KMT2D: variants seen among roughly 807,000 people sequenced by gnomAD.
KMT2D encodes the protein histone-lysine N-methyltransferase 2D.
A neutral mutation model predicts 512.7 loss-of-function variants in KMT2D; 55 were observed. That is an observed-to-expected ratio of 0.11 (90% CI 0.09 to 0.13). The LOEUF (loss-of-function observed/expected upper bound fraction) is 0.13, where lower values mean the gene tolerates loss of function less well. Ranked by LOEUF, KMT2D falls within the 10% of genes least tolerant of loss-of-function variation. The probability of loss-of-function intolerance (pLI) is 1.00; values close to 1 mark genes in which losing one functional copy is unlikely to be tolerated. For synonymous variants in KMT2D, 2,995 were observed against 2,904.0 expected, an observed-to-expected ratio of 1.03 and a Z score of -1.01; for missense variants, 6,061 against 7,127.9, an observed-to-expected ratio of 0.85 and a Z score of 5.39.
chr12:49,027,471 GAC>G (rs1453438509), intron 48 of KMT2D, 149 bp from the exon 49 acceptor site: 3 of 706,448 alleles, frequency 4.2e-6, no homozygotes, highest in Non-Finnish European at 6.7e-6. Context: ...TTTTTTTTGA[GAC>G]ACAGTCTTGC....
intron 12 of KMT2D, 93 bp from the exon 13 acceptor site, chr12:49,049,311 G>A (rs900128795): frequency 3.8e-6 from 3 of 792,368 alleles, no homozygotes; most frequent in Non-Finnish European, 6.0e-6. Context: ...AACGGACAGA[G>A]TAAGACAGGT....
chr12:49,026,627 G>T lies in KMT2D; in HGVS notation c.15339C>A (p.Tyr5113Ter), dbSNP rs2120360964. The T allele has an allele frequency of 6.2e-7, 1 of 1,614,040 alleles. No individual in the cohort carries two copies. The highest frequency in any genetic ancestry group is 8.5e-7 in the Non-Finnish European group (1 of 1,179,904). Residue 5113 changes from tyrosine to a stop codon, truncating the protein, a stop_gained, in exon 49 of 55, where the codon TAC (tyrosine) becomes TAA (stop). Transcript: ENST00000301067. LOFTEE classifies it high-confidence loss of function. The surrounding 1 kb of genome is among the most constrained non-coding windows in gnomAD (Gnocchi z 9.6). ...TGGCACGGATGGCACAAGCAAAATG[G>T]TAGACATTGGGGCAACGCATGCGAT... ...SCNRMRCPNV[Y>*]HFACAIRAKC... is the part of the protein sequence containing the mutation.
Position 49,046,849 on chromosome 12 carries a change from T to C in KMT2D, c.4237-59A>G. 6.7e-7 allele frequency: 1 copy of C among 1,496,260 alleles called. No individual in the cohort carries two copies. The highest frequency in any genetic ancestry group is 9.0e-7 in the Non-Finnish European group (1 of 1,106,688). The allele number at this position is 1,496,260 out of a possible 1,614,324, so 92.7% of individuals were successfully genotyped here. A position where few individuals can be genotyped will look rare whatever the true frequency, so the allele number is the denominator to read the frequency against. On this transcript the variant is annotated intron_variant, in intron 15 of 54. Transcript: ENST00000301067. This position sits in a 1 kb window ranked among gnomAD's most constrained non-coding sequence, Gnocchi z 4.2. ...AGGTGGAAAAGAGGTAGAACTTCTT[T>C]TTATTTTTTTTTGGAGATGGAGTTT...
chr12:49,048,059 A>G lies in KMT2D; in HGVS notation c.4142T>C (p.Val1381Ala), dbSNP rs761847200. 6.2e-7 allele frequency: 1 copy of G among 1,604,868 alleles called. No homozygotes were observed. The highest frequency in any genetic ancestry group is 1.3e-5 in the African/African-American group (1 of 74,896). ...CCCCCGGCCAAAGCTGCCACATACC[A>G]CACACATGTCCTGGGGAAACACAGA... is the stretch of plus-strand genomic sequence containing the variant. ...DKFVLMQDMC[V>A]VCGSFGRGAE... is the part of the protein sequence containing the mutation. Residue 1381 changes from valine to alanine, a missense_variant, in exon 15 of 55, where the codon GTG (valine) becomes GCG (alanine). Transcript: ENST00000301067.
rs766935060 is a variant in KMT2D, at chr12:49,026,897, G to C, written c.15069C>G (p.Asp5023Glu). Residue 5023 changes from aspartate (D) to glutamate (E), a missense_variant, in exon 49 of 55, where the codon GAC (aspartate) becomes GAG (glutamate). Coordinates refer to ENST00000301067, the MANE Select transcript of KMT2D (RefSeq NM_003482.4). The surrounding 1 kb of genome is among the most constrained non-coding windows in gnomAD (Gnocchi z 9.6). ...MEQLGTALRPDKVPRDMRRCC... is the reference protein window; with the variant it reads ...MEQLGTALRPEKVPRDMRRCC... ...AGCGACGCATGTCTCGCGGTACCTT[G>C]TCAGGTCGCAAGGCTGTGCCAAGCT... The C allele has an allele frequency of 6.2e-7, 1 of 1,614,028 alleles. No individual in the cohort carries two copies. The highest frequency in any genetic ancestry group is 8.5e-7 in the Non-Finnish European group (1 of 1,179,908).
At position 49,046,354 on chromosome 12, in the gene KMT2D, G is replaced by C. The variant is rs1190664201; in HGVS notation, c.4489C>G (p.His1497Asp). 2.5e-6 allele frequency: 4 copies of C among 1,613,974 alleles called. No homozygotes were observed. The highest frequency in any genetic ancestry group is 3.4e-6 in the Non-Finnish European group (4 of 1,179,874). Residue 1497 changes from histidine to aspartate, a missense_variant, in exon 17 of 55, where the codon CAC (histidine) becomes GAC (aspartate). By Grantham distance (81) the His-to-Asp change is moderately conservative. Transcript: ENST00000301067. This position sits in a 1 kb window ranked among gnomAD's most constrained non-coding sequence, Gnocchi z 4.2. ...ACCAGGCTGGCACAGGGCCCACAGT[G>C]TGTGTAACTATTCTGCCATTCACAG... is the stretch of plus-strand genomic sequence containing the variant. ...FHCEWQNSYT[H>D]CGPCASLVTC...
intron 19 of KMT2D, among the ~76,000 whole-genome samples, 162 bp downstream of exon 19, chr12:49,045,757 CT>C (rs1264695588): frequency 6.6e-6 from 1 of 152,066 alleles, no homozygotes; most frequent in African/African-American, 2.4e-5. Flanking sequence ...CTAGGCATAA[CT>C]TTGCCACTAA....
Position 49,028,882 on chromosome 12 carries a change from C to T in KMT2D, c.14328G>A (p.Lys4776=), listed in dbSNP as rs1942744881. Residue 4776 remains lysine (K), a synonymous_variant, in exon 46 of 55, where the codon AAG becomes AAA. Transcript: ENST00000301067. The part of the protein sequence containing the change: ...PGKLPVTTWE[K]GKGSEVSVML... Reference sequence around the variant, plus strand: ...TGACTGACACCTCACTTCCTTTGCCCTTTTCCCAAGTTGTGACAGGCAGCT... The same window carrying T: ...TGACTGACACCTCACTTCCTTTGCCTTTTTCCCAAGTTGTGACAGGCAGCT... 1 of 1,613,912 alleles carries T rather than the reference C, an allele frequency of 6.2e-7. No homozygotes were observed. Among genetic ancestry groups the T allele is most frequent in the South Asian group, 1.1e-5 (1 of 91,084 alleles).
rs879089748 is a variant in KMT2D, at chr12:49,054,230, C to T, written c.510+77G>A. On this transcript the variant is annotated intron_variant, in intron 5 of 54. Coordinates refer to ENST00000301067, the MANE Select transcript of KMT2D (RefSeq NM_003482.4). This position sits in a 1 kb window ranked among gnomAD's most constrained non-coding sequence, Gnocchi z 6.4. ...AGCTCTGCCCCAGTATACCCATGGTCCTTCTCATTCCAACCTGACTCTCAG... is the reference window on the plus strand; with the variant it reads ...AGCTCTGCCCCAGTATACCCATGGTTCTTCTCATTCCAACCTGACTCTCAG... 9.1e-6 allele frequency: 14 copies of T among 1,533,740 alleles called. No individual in the cohort carries two copies. Among genetic ancestry groups the T allele is most frequent in the South Asian group, 2.4e-5 (2 of 83,474 alleles).
intron 46 of KMT2D, 131 bp from the exon 47 acceptor site, chr12:49,028,272 G>A: frequency 8.9e-7 from 1 of 1,118,868 alleles, no homozygotes; most frequent in Non-Finnish European, 1.3e-6. Context: ...ATGTCACCCA[G>A]CTCTTTTCAT....
chr12:49,038,759 T>A lies in KMT2D; in HGVS notation c.8597A>T (p.Glu2866Val). Residue 2866 changes from glutamate to valine, a missense_variant, in exon 35 of 55, where the codon GAG becomes GTG. This residue lies in a region of KMT2D where 527 missense variants were observed against 578.9 expected (regional missense o/e 0.91). Transcript: ENST00000301067. The surrounding 1 kb of genome is among the most constrained non-coding windows in gnomAD (Gnocchi z 5.7). ...GISTRLPGPG[E>V]PVPGPAGPAQ... ...AGGACCAGCTGGACCAGGCACTGGC[T>A]CACCAGGGCCTGGCAGACGGGTGGA... 1.0e-5 allele frequency: 16 copies of A among 1,604,630 alleles called. No homozygotes were observed. Among genetic ancestry groups the A allele is most frequent in the Non-Finnish European group, 1.3e-5 (15 of 1,175,692 alleles).
In KMT2D at chr12:49,046,835, A is replaced by G. The variant is rs1943809507; in HGVS notation, c.4237-45T>C. ...CTTCTCAGGGTGTGAGGTGGAAAAG[A>G]GGTAGAACTTCTTTTTATTTTTTTT... On this transcript the variant is annotated intron_variant, in intron 15 of 54. Transcript: ENST00000301067. The surrounding 1 kb of genome is among the most constrained non-coding windows in gnomAD (Gnocchi z 4.2). 6.5e-7 allele frequency: 1 copy of G among 1,542,918 alleles called. No individual in the cohort carries two copies. Among genetic ancestry groups the G allele is most frequent in the African/African-American group, 1.4e-5 (1 of 72,198 alleles).
In KMT2D at chr12:49,040,349, G is replaced by T. The variant is rs777329379; in HGVS notation, c.7421C>A (p.Pro2474His). ...CCCAGCCTTAAAGGCAACTTCAGGG[G>T]GCTGGGGTCGGGGTGGCTTATGCAA... The part of the protein sequence containing the change: ...APLHKPPRPQ[P>H]PEVAFKAGSL... The change falls in exon 32 of 55, where the codon CCC (proline) becomes CAC (histidine). Residue 2474 changes from proline to histidine, a missense_variant. By Grantham distance (77) the Pro-to-His change is moderately conservative (BLOSUM62 -2). Transcript: ENST00000301067. 6.4e-7 allele frequency: 1 copy of T among 1,566,100 alleles called. No individual in the cohort carries two copies. The highest frequency in any genetic ancestry group is 1.8e-5 in the Admixed American group (1 of 54,062).
chr12:49,026,830 G>A lies in KMT2D; in HGVS notation c.15136C>T (p.Pro5046Ser), dbSNP rs778418137. The A allele has an allele frequency of 6.2e-7, 1 of 1,613,522 alleles. No individual in the cohort carries two copies. Among genetic ancestry groups the A allele is most frequent in the South Asian group, 1.1e-5 (1 of 91,078 alleles). Residue 5046 changes from proline to serine, a missense_variant, in exon 49 of 55, where the codon CCT becomes TCT. By Grantham distance (74) the Pro-to-Ser change is moderately conservative. Coordinates refer to ENST00000301067, the MANE Select transcript of KMT2D (RefSeq NM_003482.4). The surrounding 1 kb of genome is among the most constrained non-coding windows in gnomAD (Gnocchi z 9.6). ...HEEGDGATDG[P>S]ARLLNLDLDL... Reference sequence around the variant, plus strand: ...AGGTCCAGGTTCAGCAGACGGGCAGGCCCATCAGTGGCCCCGTCACCCTCC... The same window carrying A: ...AGGTCCAGGTTCAGCAGACGGGCAGACCCATCAGTGGCCCCGTCACCCTCC...
Position 49,046,653 on chromosome 12 carries a change from G to A in KMT2D, c.4374C>T (p.Asp1458=), listed in dbSNP as rs1943801426. Reference sequence around the variant, plus strand: ...CCTTGGGGACGGTGAGCAGTGGGGGGTCCAGGCAGTATGTGTGGTAGCTAA... The same window carrying A: ...CCTTGGGGACGGTGAGCAGTGGGGGATCCAGGCAGTATGTGTGGTAGCTAA... The part of the protein sequence containing the change: ...CDISYHTYCL[D]PPLLTVPKGG... The change falls in exon 16 of 55, where the codon GAC becomes GAT. Residue 1458 remains aspartate, a synonymous_variant. Coordinates refer to ENST00000301067, the MANE Select transcript of KMT2D (RefSeq NM_003482.4). The surrounding 1 kb of genome is among the most constrained non-coding windows in gnomAD (Gnocchi z 4.2). 2.5e-6 allele frequency: 4 copies of A among 1,613,876 alleles called. No individual in the cohort carries two copies. Among genetic ancestry groups the A allele is most frequent in the South Asian group, 1.1e-5 (1 of 91,070 alleles).
chr12:49,043,938 T>G lies in KMT2D; in HGVS notation c.5249A>C (p.Glu1750Ala). ...AVEQSLAEGD[E>A]KKKQQRRGRK... Reference sequence around the variant, plus strand: ...CCCTCGCCGCTGTTGCTTCTTCTTCTCATCCCCTTCAGCTAAGCTCTGCTC... The same window carrying G: ...CCCTCGCCGCTGTTGCTTCTTCTTCGCATCCCCTTCAGCTAAGCTCTGCTC... Residue 1750 changes from glutamate (E) to alanine (A), a missense_variant, in exon 23 of 55, where the codon GAG becomes GCG. By Grantham distance (107) the Glu-to-Ala change is moderately radical. Transcript: ENST00000301067. 1.2e-6 allele frequency: 2 copies of G among 1,614,056 alleles called. No homozygotes were observed. Among genetic ancestry groups the G allele is most frequent in the Non-Finnish European group, 1.7e-6 (2 of 1,179,906 alleles).
At position 49,034,983 on chromosome 12, in the gene KMT2D, A is replaced by G. The variant is rs370620636; in HGVS notation, c.10232-48T>C. The G allele has an allele frequency of 1.9e-6, 3 of 1,605,874 alleles. No individual in the cohort carries two copies. The African/African-American group carries it at 4.0e-5, about 21-fold the overall frequency. On this transcript the variant is annotated intron_variant, in intron 35 of 54. Transcript: ENST00000301067. ...AGCTGGGCTATGGGGCCAATGCTCC[A>G]GTGAATATCTGCGATTCCCTTCAAC...
Position 49,019,172 on chromosome 12 carries a change from T to C in KMT2D, c.*2608A>G. ...TTAAAAAAGGGAACCATTTCATCCG[T>C]TGTTACGAAGGACCAACCTTGCTGT... On this transcript the variant is annotated 3_prime_UTR_variant, in exon 55 of 55. Transcript: ENST00000301067. 4 of 1,117,464 alleles carry C rather than the reference T, an allele frequency of 3.6e-6. No individual in the cohort carries two copies. Among genetic ancestry groups the C allele is most frequent in the Non-Finnish European group, 3.3e-6 (3 of 908,634 alleles). 69.2% of individuals were successfully genotyped at this position (1,117,464 alleles called of 1,614,324 possible).
chr12:49,056,122 T>G (rs1396289237), intron 1 of KMT2D, among the ~76,000 whole-genome samples: 1 of 152,156 alleles, frequency 6.6e-6, no homozygotes, highest in Non-Finnish European at 1.5e-5. Context: ...TTAACAGAAG[T>G]GGACCTTGAG....
Sources: allele counts gnomAD v4.1 joint callset (sites outside exome capture counted in the v4.1 genomes callset), GRCh38; gene constraint gnomAD v4.1.1; regional missense constraint gnomAD v4.1.1; non-coding constraint Gnocchi (gnomAD v3.1); transcripts MANE v1.5; gene names NCBI Gene and HGNC (gene_info 2026-07-23, HGNC 2026-07-21).